CPNE4: variants seen among roughly 807,000 people sequenced by gnomAD.
The protein encoded by CPNE4 is copine-4.
In CPNE4, 25 loss-of-function variants were observed where a neutral mutation model predicts 67.9. The observed-to-expected ratio is 0.37, with a 90% CI of 0.27 to 0.51. The LOEUF (loss-of-function observed/expected upper bound fraction) is 0.51. Among genes scored for constraint, CPNE4 ranks in the 20% least tolerant of loss-of-function variants. The pLI is 0.93. For missense variants in CPNE4, 464 were observed against 690.8 expected (o/e 0.67, Z 3.68); for synonymous variants, 242 against 244.9 (o/e 0.99, Z 0.11).
intron 9 of CPNE4, among the ~76,000 whole-genome samples, chr3:131,576,889 A>G (rs996481742): frequency 6.6e-6 from 1 of 152,034 alleles, no homozygotes; most frequent in Non-Finnish European, 1.5e-5. Context: ...GTGGGAGAAC[A>G]TTGGCTTGGT....
intron 1 of CPNE4, among the ~76,000 whole-genome samples, chr3:131,937,396 A>G (rs2071254442): frequency 6.6e-6 from 1 of 152,218 alleles, no homozygotes. Flanking sequence ...AATGAAATTA[A>G]GAGCTAAAGA....
intron 2 of CPNE4, among the ~76,000 whole-genome samples, chr3:131,865,535 A>C (rs369282925): frequency 1.3e-5 from 2 of 151,874 alleles, no homozygotes; most frequent in East Asian, 3.9e-4. Flanking sequence ...CCATATAATC[A>C]CCCCTATAAG....
At chr3:131,829,878 T>C (rs1190798538) in intron 2 of CPNE4, among the ~76,000 whole-genome samples, 1 of 152,192 alleles carries the variant, frequency 6.6e-6, no homozygotes, top group Non-Finnish European at 1.5e-5. Flanking sequence ...ATTAAGTCAT[T>C]AGTGATGGGT....
chr3:131,634,183 T>C lies in CPNE4; in HGVS notation c.681+35492A>G, dbSNP rs111819771. The stretch of plus-strand genomic sequence containing the variant: ...TCTTTATCTTACTGTTTGTGTGATA[T>C]AAAAATGTATCTTCACTCCCAACAT... On this transcript the variant is annotated intron_variant, in intron 7 of 15. Coordinates refer to ENST00000429747, the MANE Select transcript of CPNE4 (RefSeq NM_130808.3). Among the ~76,000 whole-genome samples, 262 of 152,282 alleles carry C rather than the reference T, an allele frequency of 1.7e-3. 2 individuals are homozygous for C. Among genetic ancestry groups the C allele is most frequent in the African/African-American group, 5.2e-3 (217 of 41,578 alleles).
At chr3:131,603,905 G>A (rs763849656) in intron 7 of CPNE4, among the ~76,000 whole-genome samples, 1 of 152,088 alleles carries the variant, frequency 6.6e-6, no homozygotes, top group Non-Finnish European at 1.5e-5. Context: ...GGGGCTAAAG[G>A]CTGTCTTACC....
chr3:131,728,106 T>C (rs900160112), intron 2 of CPNE4, among the ~76,000 whole-genome samples: 1 of 152,212 alleles, frequency 6.6e-6, no homozygotes, highest in African/African-American at 2.4e-5. Context: ...CTTTTTAAGT[T>C]CTAGTAGGTG....
intron 2 of CPNE4, among the ~76,000 whole-genome samples, chr3:131,726,326 G>A (rs151288409): frequency 0.012 from 1,761 of 152,296 alleles, 21 homozygotes; most frequent in African/African-American, 0.04. Flanking sequence ...TACAAGGTAA[G>A]CTGCCAGCAC....
At chr3:131,940,072 C>T (rs2071341967) in intron 1 of CPNE4, among the ~76,000 whole-genome samples, 1 of 152,012 alleles carries the variant, frequency 6.6e-6, no homozygotes, top group African/African-American at 2.4e-5. Flanking sequence ...TGTGCTCTAA[C>T]CCTGTCCTGG....
At chr3:131,932,136 T>A (rs1263780563) in intron 1 of CPNE4, among the ~76,000 whole-genome samples, 1 of 152,092 alleles carries the variant, frequency 6.6e-6, no homozygotes, top group Non-Finnish European at 1.5e-5. Context: ...AGCTAATAGG[T>A]TTGGACAGGA....
At chr3:131,796,993 C>T (rs897595269) in intron 2 of CPNE4, among the ~76,000 whole-genome samples, 1 of 152,230 alleles carries the variant, frequency 6.6e-6, no homozygotes, top group Non-Finnish European at 1.5e-5. Context: ...TTTCTATTTA[C>T]TCCTGATAGG....
intron 2 of CPNE4, among the ~76,000 whole-genome samples, chr3:131,737,003 T>C (rs1326256862): frequency 6.6e-6 from 1 of 152,122 alleles, no homozygotes; most frequent in Non-Finnish European, 1.5e-5. Context: ...AGATAATTTC[T>C]TTATTAGAAG....
At chr3:132,001,786 G>GT (rs2073457691) in intron 1 of CPNE4, among the ~76,000 whole-genome samples, 4 of 151,882 alleles carry the variant, frequency 2.6e-5, no homozygotes, top group Non-Finnish European at 5.9e-5. Context: ...GAGACTAAAG[G>GT]GCTGAATTAA....
rs373774582 is a variant in CPNE4 at position 131,938,642 on chromosome 3, G to A, written c.-1-33198C>T. Among the ~76,000 whole-genome samples the A allele has an allele frequency of 1.6e-4, 24 of 152,088 alleles. 1 individual carries two copies. In the East Asian group the frequency reaches 3.1e-3, roughly 20 times the overall value. On this transcript the variant is annotated intron_variant, in intron 1 of 15. Coordinates refer to ENST00000429747, the MANE Select transcript of CPNE4 (RefSeq NM_130808.3). ...ACAGGCAGCAGGAGAGAGAGAGAAG[G>A]GGGAAACTGCCAAACACTTTTAAAA...
At chr3:131,580,924 A>T (rs534734023) in intron 9 of CPNE4, among the ~76,000 whole-genome samples, 2 of 152,290 alleles carry the variant, frequency 1.3e-5, no homozygotes, top group Admixed American at 6.5e-5. Context: ...CTGTAATCCC[A>T]GCACTTTGGG....
chr3:131,868,559 C>A (rs1463517), intron 2 of CPNE4, among the ~76,000 whole-genome samples: 49,252 of 152,082 alleles, frequency 0.32, 8,505 homozygotes, highest in African/African-American at 0.43. Context: ...ATAACTAATG[C>A]TTTTATTTAC....
chr3:131,993,491 C>CAAAAAAAAAAAAAAAAAAAAAAAAAAA (rs2073219770), intron 1 of CPNE4, among the ~76,000 whole-genome samples: 1 of 26,104 alleles, frequency 3.8e-5, no homozygotes, highest in African/African-American at 1.9e-4. Flanking sequence ...AAAAAAAAAG[C>CAAAAAAAAAAAAAAAAAAAAAAAAAAA]ATAGCTTTAG....
chr3:131,618,910 G>A (rs970406724), intron 7 of CPNE4, among the ~76,000 whole-genome samples: 1 of 152,122 alleles, frequency 6.6e-6, no homozygotes, highest in Admixed American at 6.5e-5. Flanking sequence ...GTATTCCTGG[G>A]GTGTTAGTCT....
chr3:131,810,259 G>C (rs551015799), intron 2 of CPNE4, among the ~76,000 whole-genome samples: 1 of 152,074 alleles, frequency 6.6e-6, no homozygotes, highest in African/African-American at 2.4e-5. Flanking sequence ...AAAATGAAGA[G>C]GTAGCCTCTG....
chr3:131,763,885 T>A (rs1056537594), intron 2 of CPNE4, among the ~76,000 whole-genome samples: 9 of 152,164 alleles, frequency 5.9e-5, no homozygotes, highest in Non-Finnish European at 8.8e-5. Flanking sequence ...ATAATATGAC[T>A]TTGATTAAAT....
Sources: allele counts gnomAD v4.1 joint callset (sites outside exome capture counted in the v4.1 genomes callset), GRCh38; gene constraint gnomAD v4.1.1; transcripts MANE v1.5; gene names NCBI Gene and HGNC (gene_info 2026-07-23, HGNC 2026-07-21).